The following AGBL1 variants were observed in gnomAD, a reference collection of about 807,000 sequenced individuals.
AGBL1 encodes the protein cytosolic carboxypeptidase 4.
AGBL1 carries 130 observed loss-of-function variants against 118.9 expected under a neutral mutation model. That is an observed-to-expected ratio of 1.09 (90% CI 0.95 to 1.26). The LOEUF (loss-of-function observed/expected upper bound fraction) is 1.26. AGBL1 is among the 50% of genes most tolerant of loss of function. The pLI, the probability that AGBL1 is intolerant of heterozygous loss-of-function variation, is 0.00. For synonymous variants in AGBL1, 555 were observed against 478.9 expected (o/e 1.16, Z -2.08); for missense variants, 1,584 against 1,298.1 (o/e 1.22, Z -3.38).
chr15:86,813,891 A>G (rs1029291831), intron 22 of AGBL1, among the ~76,000 whole-genome samples: 4 of 152,224 alleles, frequency 2.6e-5, no homozygotes, highest in Non-Finnish European at 5.9e-5. Context: ...GCTAGGGAGA[A>G]ACATTACTTC....
At chr15:86,108,669 G>A (rs755193637) in intron 1 of AGBL1, among the ~76,000 whole-genome samples, 16 of 152,130 alleles carry the variant, frequency 1.1e-4, no homozygotes, top group African/African-American at 1.4e-4. Context: ...AACAAGGAGC[G>A]GGAGCATGGC....
intron 24 of AGBL1, among the ~76,000 whole-genome samples, chr15:87,022,630 G>C (rs2081677586): frequency 6.6e-6 from 1 of 152,044 alleles, no homozygotes; most frequent in South Asian, 2.1e-4. Context: ...ATCACAAAAA[G>C]ATCATCGCCT....
intron 18 of AGBL1, among the ~76,000 whole-genome samples, chr15:86,445,688 C>T (rs1424311499): frequency 2.6e-5 from 4 of 152,184 alleles, no homozygotes; most frequent in African/African-American, 9.7e-5. Context: ...ATGATTTTTC[C>T]CTCCACCTGA....
chr15:86,889,356 G>A (rs1455567659), intron 22 of AGBL1, among the ~76,000 whole-genome samples: 1 of 101,192 alleles, frequency 9.9e-6, no homozygotes. Context: ...TTTCTGGGGG[G>A]TGGGTGGGGG....
Position 86,701,698 on chromosome 15 carries a change from C to T in AGBL1, c.3158+27262C>T, listed in dbSNP as rs76588366. Among the ~76,000 whole-genome samples the T allele has an allele frequency of 1.4e-3, 202 of 141,706 alleles. 5 individuals are homozygous for T. The East Asian group carries it at 0.018, about 12-fold the overall frequency. 93.0% of individuals were successfully genotyped at this position (141,706 alleles called of 152,430 possible). On this transcript the variant is annotated intron_variant, in intron 22 of 22. Coordinates refer to ENST00000614907, the MANE Select transcript of AGBL1 (RefSeq NM_001386094.1). ...CCCTTCCTTCCCTCTTCTCTTCCTCCTCCCTTCCTCTGCCTTCCACTCCCT... is the reference window on the plus strand; with the variant it reads ...CCCTTCCTTCCCTCTTCTCTTCCTCTTCCCTTCCTCTGCCTTCCACTCCCT...
chr15:86,138,647 T>G (rs2076920826), intron 1 of AGBL1, among the ~76,000 whole-genome samples: 1 of 152,202 alleles, frequency 6.6e-6, no homozygotes, highest in Non-Finnish European at 1.5e-5. Flanking sequence ...CTTTAATCAG[T>G]TTTTACCTTA....
intron 5 of AGBL1, among the ~76,000 whole-genome samples, chr15:86,163,791 T>C (rs144826849): frequency 0.011 from 1,746 of 152,292 alleles, 36 homozygotes; most frequent in African/African-American, 0.041. Flanking sequence ...AAAAAAATTA[T>C]TGGTGAATTT....
intron 18 of AGBL1, among the ~76,000 whole-genome samples, chr15:86,449,398 T>A (rs112340874): frequency 6.6e-6 from 1 of 152,218 alleles, no homozygotes; most frequent in Non-Finnish European, 1.5e-5. Flanking sequence ...GGTTATGAGA[T>A]CTTCAATTGG....
At position 86,875,253 on chromosome 15, in the gene AGBL1, A is replaced by G. The variant is rs370882036; in HGVS notation, c.3159-31834A>G. Among the ~76,000 whole-genome samples the G allele has an allele frequency of 5.3e-5, 8 of 152,282 alleles. No individual in the cohort carries two copies. The East Asian group carries it at 1.2e-3, about 22-fold the overall frequency. ...GGCAGGCACTTCATCATGCTCTGCC[A>G]CTGTCACCATAAATAAGATCTAGGT... On this transcript the variant is annotated intron_variant, in intron 22 of 22. Transcript: ENST00000614907.
chr15:86,083,515 C>T (rs979237909), intron 1 of AGBL1: 2 of 152,158 alleles, frequency 1.3e-5, no homozygotes, highest in Non-Finnish European at 2.9e-5. Flanking sequence ...CCAAAATGTG[C>T]ATAGTTAACT....
chr15:86,167,521 T>C (rs530409750), intron 5 of AGBL1, among the ~76,000 whole-genome samples: 2 of 152,340 alleles, frequency 1.3e-5, no homozygotes, highest in African/African-American at 2.4e-5. Context: ...GCTGGGATTA[T>C]AGGCGTGAAC....
intron 5 of AGBL1, among the ~76,000 whole-genome samples, chr15:86,221,663 G>A (rs1473598392): frequency 4.6e-5 from 7 of 152,084 alleles, no homozygotes; most frequent in African/African-American, 1.7e-4. Flanking sequence ...GAGATGAAGT[G>A]CTTTCAGTTT....
At chr15:86,341,167 T>C (rs12902567) in intron 17 of AGBL1, among the ~76,000 whole-genome samples, 119,615 of 152,160 alleles carry the variant, frequency 0.79, 47,820 homozygotes, top group African/African-American at 0.86. Flanking sequence ...CTTAGGGTGC[T>C]TCATTGGGAC....
chr15:86,631,194 T>A (rs1298373755), intron 21 of AGBL1: 4 of 152,246 alleles, frequency 2.6e-5, no homozygotes, highest in African/African-American at 9.7e-5. Context: ...GGACCAGGCC[T>A]GAGAAGGGAG....
intron 7 of AGBL1, 95 bp downstream of exon 7, chr15:86,247,974 G>T: frequency 1.4e-6 from 2 of 1,441,878 alleles, no homozygotes. Context: ...AGCTGGGAAC[G>T]CCTCAGTCTA....
At chr15:86,592,335 G>C (rs2084348997) in intron 21 of AGBL1, among the ~76,000 whole-genome samples, 1 of 152,192 alleles carries the variant, frequency 6.6e-6, no homozygotes, top group Admixed American at 6.5e-5. Context: ...TAAGGCAGAG[G>C]GAGAGACCAA....
intron 1 of AGBL1, among the ~76,000 whole-genome samples, chr15:86,094,198 G>T (rs1353574): frequency 1 from 151,833 of 152,262 alleles, 75,704 homozygotes; most frequent in Middle Eastern, 1. Context: ...TCATTTATAA[G>T]CTTGTGATTA....
chr15:86,628,207 T>G (rs2084916395), intron 21 of AGBL1, among the ~76,000 whole-genome samples: 1 of 152,202 alleles, frequency 6.6e-6, no homozygotes, highest in African/African-American at 2.4e-5. Flanking sequence ...ATAATAGGTC[T>G]GAAGTGAAGC....
chr15:86,560,768 A>T (rs1007836795), intron 21 of AGBL1, among the ~76,000 whole-genome samples: 9 of 152,250 alleles, frequency 5.9e-5, no homozygotes, highest in South Asian at 2.1e-4. Context: ...AGTGTAAAAC[A>T]GTTCCTATTT....
Sources: allele counts gnomAD v4.1 joint callset (sites outside exome capture counted in the v4.1 genomes callset), GRCh38; gene constraint gnomAD v4.1.1; transcripts MANE v1.5; gene names NCBI Gene and HGNC (gene_info 2026-07-23, HGNC 2026-07-21).